SAXO1: variants seen among roughly 807,000 people sequenced by gnomAD.
The protein encoded by SAXO1 is 4930500O09Rik.
SAXO1 carries 21 observed loss-of-function variants against 17.5 expected under a neutral mutation model. The ratio of observed to expected loss-of-function variants is 1.20; its 90% CI spans 0.85 to 1.72. The LOEUF (loss-of-function observed/expected upper bound fraction) is 1.72, where lower values mean the gene tolerates loss of function less well. Among genes scored for constraint, SAXO1 ranks in the 40% most tolerant of loss-of-function variants. SAXO1 has a pLI of 0.00. For synonymous variants in SAXO1, 274 were observed against 216.5 expected (o/e 1.27, Z -2.33); for missense variants, 843 against 596.0 (o/e 1.41, Z -4.32).
intron 1 of SAXO1, among the ~76,000 whole-genome samples, chr9:19,040,540 A>C (rs779833779): frequency 5.3e-5 from 8 of 152,072 alleles, no homozygotes; most frequent in Non-Finnish European, 1.2e-4. Context: ...GCTACCTGGG[A>C]GGCTGAGGCA....
At chr9:18,970,824 T>G (rs976702089) in intron 1 of SAXO1, among the ~76,000 whole-genome samples, 1 of 152,196 alleles carries the variant, frequency 6.6e-6, no homozygotes, top group Non-Finnish European at 1.5e-5. Flanking sequence ...CCTTCTGAAT[T>G]ACTGTTGCTA....
chr9:19,033,645 G>T (rs918943404), upstream of SAXO1, among the ~76,000 whole-genome samples: 1 of 152,218 alleles, frequency 6.6e-6, no homozygotes, highest in African/African-American at 2.4e-5. Context: ...GCGCTCTTGA[G>T]AACACAGTGG....
chr9:18,987,066 C>T (rs1472325482), intron 1 of SAXO1, among the ~76,000 whole-genome samples: 1 of 152,176 alleles, frequency 6.6e-6, no homozygotes, highest in East Asian at 1.9e-4. Flanking sequence ...CAACCCAATG[C>T]TTTGCACACA....
intron 1 of SAXO1, among the ~76,000 whole-genome samples, chr9:18,957,481 T>C (rs909556606): frequency 6.6e-6 from 1 of 152,130 alleles, no homozygotes; most frequent in African/African-American, 2.4e-5. Context: ...ACAATCCAAT[T>C]TCAAACCCAA....
At chr9:19,014,992 G>A (rs1238540527) in intron 1 of SAXO1, among the ~76,000 whole-genome samples, 1 of 152,120 alleles carries the variant, frequency 6.6e-6, no homozygotes, top group Non-Finnish European at 1.5e-5. Flanking sequence ...CCTTTCCTGA[G>A]AAAGATGTAA....
At chr9:19,026,900 C>T (rs1835497150) in intron 1 of SAXO1, 5 of 735,242 alleles carry the variant, frequency 6.8e-6, no homozygotes, top group Non-Finnish European at 1.3e-5. Flanking sequence ...AGATGGCAAC[C>T]GTGTGGGATG....
At chr9:19,041,854 T>A (rs1181170841) in intron 1 of SAXO1, among the ~76,000 whole-genome samples, 1 of 152,106 alleles carries the variant, frequency 6.6e-6, no homozygotes, top group African/African-American at 2.4e-5. Context: ...CAAGAAAACA[T>A]TGGAAAACTC....
At chr9:18,974,330 G>C (rs1313719006) in intron 1 of SAXO1, among the ~76,000 whole-genome samples, 1 of 152,200 alleles carries the variant, frequency 6.6e-6, no homozygotes, top group Non-Finnish European at 1.5e-5. Context: ...TACGGAAACA[G>C]TTATTTTCCA....
intron 1 of SAXO1, among the ~76,000 whole-genome samples, chr9:19,015,023 CGA>C (rs765135259): frequency 3.3e-5 from 5 of 152,082 alleles, no homozygotes; most frequent in Admixed American, 1.3e-4. Flanking sequence ...AGCTAAAAAA[CGA>C]GAGAGAGTAC....
chr9:19,040,332 T>A (rs1341888475), intron 1 of SAXO1, among the ~76,000 whole-genome samples: 1 of 152,144 alleles, frequency 6.6e-6, no homozygotes, highest in African/African-American at 2.4e-5. Context: ...TCATTTAGCA[T>A]GGGTGAAATT....
chr9:18,982,466 T>C (rs549258346), intron 1 of SAXO1, among the ~76,000 whole-genome samples: 1 of 152,146 alleles, frequency 6.6e-6, no homozygotes, highest in Non-Finnish European at 1.5e-5. Context: ...CAAAGTACAA[T>C]GAAACACACA....
At chr9:19,028,182 G>C (rs957197415) in intron 1 of SAXO1, 3 of 1,304,290 alleles carry the variant, frequency 2.3e-6, no homozygotes, top group Non-Finnish European at 3.3e-6. Flanking sequence ...CGCAATAAAA[G>C]ATGGTTTAGA....
At position 19,033,097 on chromosome 9, in the gene SAXO1, T is replaced by C; in HGVS notation, c.-189A>G. On this transcript the variant is annotated 5_prime_UTR_variant, in exon 1 of 4. Coordinates refer to ENST00000380534, the MANE Select transcript of SAXO1 (RefSeq NM_153707.4). ...GTCTGTTGCCCTCCTGGAGCTGGCCTAGCGCGAGGTAGCAGCAGGGGGCTT... is the reference window on the plus strand; with the variant it reads ...GTCTGTTGCCCTCCTGGAGCTGGCCCAGCGCGAGGTAGCAGCAGGGGGCTT... 1 of 543,144 alleles carries C rather than the reference T, an allele frequency of 1.8e-6. No homozygotes were observed. The highest frequency in any genetic ancestry group is 3.1e-6 in the Non-Finnish European group (1 of 321,092). 33.6% of individuals were successfully genotyped at this position (543,144 alleles called of 1,614,324 possible).
At chr9:18,980,533 G>GGAGA (rs1833333146) in intron 1 of SAXO1, among the ~76,000 whole-genome samples, 1 of 146,936 alleles carries the variant, frequency 6.8e-6, no homozygotes, top group African/African-American at 2.5e-5. Context: ...AGTGGCGGGG[G>GGAGA]GAGGGAGGGA....
At chr9:18,983,883 G>T (rs1203527284) in intron 1 of SAXO1, among the ~76,000 whole-genome samples, 1 of 152,188 alleles carries the variant, frequency 6.6e-6, no homozygotes, top group East Asian at 1.9e-4. Context: ...AATCTTCAAA[G>T]GACATGCTGA....
At chr9:19,034,637 G>C (rs899525065), upstream of SAXO1, among the ~76,000 whole-genome samples, 1 of 152,132 alleles carries the variant, frequency 6.6e-6, no homozygotes, top group African/African-American at 2.4e-5. Context: ...AAAGCTTATT[G>C]ATCATTCTTA....
intron 1 of SAXO1, among the ~76,000 whole-genome samples, chr9:18,978,049 G>A (rs184431784): frequency 6.1e-5 from 9 of 148,156 alleles, no homozygotes; most frequent in East Asian, 6.0e-4. Flanking sequence ...TTCCAGAGTC[G>A]GGTGGAACTA....
At chr9:18,947,133 T>C (rs943031449) in intron 2 of SAXO1, among the ~76,000 whole-genome samples, 1 of 152,222 alleles carries the variant, frequency 6.6e-6, no homozygotes, top group South Asian at 2.1e-4. Context: ...CTACCTACAT[T>C]GTGTTCACAC....
intron 1 of SAXO1, among the ~76,000 whole-genome samples, chr9:19,023,623 ATG>A (rs1367045642): frequency 2.0e-5 from 3 of 152,176 alleles, no homozygotes; most frequent in African/African-American, 7.2e-5. Flanking sequence ...TCACTTAATC[ATG>A]TGTTAAATCA....
Sources: allele counts gnomAD v4.1 joint callset (sites outside exome capture counted in the v4.1 genomes callset), GRCh38; gene constraint gnomAD v4.1.1; transcripts MANE v1.5; gene names NCBI Gene and HGNC (gene_info 2026-07-23, HGNC 2026-07-21).